Variants in PRDM16 observed in about 807,000 individuals in gnomAD.
PRDM16 encodes the protein histone-lysine N-methyltransferase PRDM16.
Under a neutral mutation model 110.6 loss-of-function variants are expected in PRDM16, and 23 were observed. The ratio of observed to expected loss-of-function variants is 0.21; its 90% CI spans 0.15 to 0.29. PRDM16 has a LOEUF of 0.29. Ranked by LOEUF, PRDM16 falls within the 10% of genes least tolerant of loss-of-function variation. PRDM16 has a pLI of 1.00. For synonymous variants in PRDM16, 799 were observed against 781.8 expected (o/e 1.02, Z -0.37); for missense variants, 1,615 against 1,794.3 (o/e 0.90, Z 1.81).
intron 1 of PRDM16, among the ~76,000 whole-genome samples, chr1:3,172,495 CG>C: frequency 6.6e-6 from 1 of 152,350 alleles, no homozygotes; most frequent in East Asian, 1.9e-4. Context: ...CATGTTCACA[CG>C]TGCTTCCCAC....
intron 2 of PRDM16, among the ~76,000 whole-genome samples, chr1:3,215,992 CT>C (rs1045953729): frequency 2.0e-5 from 3 of 152,170 alleles, no homozygotes; most frequent in African/African-American, 7.2e-5. Context: ...ATTTTTCCCC[CT>C]GAAACACTCG....
chr1:3,240,512 G>A (rs1403611043), intron 2 of PRDM16, among the ~76,000 whole-genome samples: 1 of 152,196 alleles, frequency 6.6e-6, no homozygotes, highest in Admixed American at 6.5e-5. Context: ...GGGTAAAGCG[G>A]AGTGTTGGGG....
intron 2 of PRDM16, among the ~76,000 whole-genome samples, chr1:3,193,985 A>G (rs529170938): frequency 6.6e-6 from 1 of 152,246 alleles, no homozygotes; most frequent in East Asian, 1.9e-4. Context: ...GTCCTGGCAC[A>G]CCCCTCTGGC....
chr1:3,202,009 G>A (rs975465492), intron 2 of PRDM16, among the ~76,000 whole-genome samples: 32 of 152,180 alleles, frequency 2.1e-4, no homozygotes, highest in African/African-American at 6.5e-4. Flanking sequence ...GGCAGGGGAC[G>A]CCCTCACAGT....
chr1:3,097,463 G>A (rs2100610668), intron 1 of PRDM16, among the ~76,000 whole-genome samples: 1 of 152,348 alleles, frequency 6.6e-6, no homozygotes. Context: ...CCCCGCAGGT[G>A]AATGGTGGTA....
At chr1:3,330,291 C>T (rs1001062037) in intron 3 of PRDM16, among the ~76,000 whole-genome samples, 13 of 152,206 alleles carry the variant, frequency 8.5e-5, no homozygotes, top group East Asian at 3.9e-4. Context: ...CAGGAGGCCC[C>T]GGACTCTTCA....
chr1:3,228,451 G>T (rs1485653978), intron 2 of PRDM16, among the ~76,000 whole-genome samples: 1 of 152,196 alleles, frequency 6.6e-6, no homozygotes, highest in Non-Finnish European at 1.5e-5. Flanking sequence ...AGCAGTTTTT[G>T]TGCGCCTCTC....
rs8179351 is a variant in PRDM16, at chr1:3,265,032, C to G, written c.438+20895C>G. On this transcript the variant is annotated intron_variant, in intron 3 of 16. Coordinates refer to ENST00000270722, the MANE Select transcript of PRDM16 (RefSeq NM_022114.4). The surrounding 1 kb of genome is among the most constrained non-coding windows in gnomAD (Gnocchi z 4.5). ...ATTTCTGAGCACAGAGAAACCTGAG[C>G]TGAGCCACTGAGTCCCCCAGCCTCT... 1.3e-5 allele frequency among the ~76,000 whole-genome samples: 2 copies of G among 151,720 alleles called. No individual in the cohort carries two copies. Among genetic ancestry groups the G allele is most frequent in the East Asian group, 4.0e-4 (2 of 5,052 alleles).
intron 2 of PRDM16, among the ~76,000 whole-genome samples, chr1:3,212,694 T>TCCCGCTCATCCTCCCCGCCCC: frequency 6.6e-6 from 1 of 151,172 alleles, no homozygotes; most frequent in South Asian, 2.1e-4. Context: ...GCTGCGGTCC[T>TCCCGCTCATCCTCCCCGCCCC]CTCTGCCACT....
intron 10 of PRDM16, among the ~76,000 whole-genome samples, chr1:3,415,871 A>G (rs116278666): frequency 1.2e-3 from 188 of 152,358 alleles, no homozygotes; most frequent in African/African-American, 4.4e-3. Context: ...GGCGCCAGTT[A>G]CTAAAGACCT....
intron 12 of PRDM16, among the ~76,000 whole-genome samples, chr1:3,421,842 G>C (rs1638438606): frequency 6.6e-6 from 1 of 152,264 alleles, no homozygotes; most frequent in Non-Finnish European, 1.5e-5. Context: ...AGCCGTGTTT[G>C]AGCACACATG....
At position 3,121,525 on chromosome 1, in the gene PRDM16, C is replaced by A. The variant is rs549129283; in HGVS notation, c.37+52229C>A. 1.3e-4 allele frequency among the ~76,000 whole-genome samples: 20 copies of A among 152,330 alleles called. No individual in the cohort carries two copies. In the South Asian group the frequency reaches 3.9e-3, roughly 30 times the overall value. On this transcript the variant is annotated intron_variant, in intron 1 of 16. Transcript: ENST00000270722. ...AAACCGTTTCTGTGGAGACTCCGAA[C>A]GTCGCCTGCCTCCTGCAAGGCCGCT...
rs557223586 is a variant in PRDM16 at position 3,434,765 on chromosome 1, C to T, written c.*954C>T. On this transcript the variant is annotated 3_prime_UTR_variant, in exon 17 of 17. Coordinates refer to ENST00000270722, the MANE Select transcript of PRDM16 (RefSeq NM_022114.4). ...TGGATCCGCCATGCAGAGATGTGGCCGGGCACCCATCTTCCTTCCCTCCTC... is the reference window on the plus strand; with the variant it reads ...TGGATCCGCCATGCAGAGATGTGGCTGGGCACCCATCTTCCTTCCCTCCTC... The T allele has an allele frequency of 3.4e-5, 8 of 232,326 alleles. No homozygotes were observed. The highest frequency in any genetic ancestry group is 3.4e-4 in the Admixed American group (6 of 17,748). 14.4% of individuals were successfully genotyped at this position (232,326 alleles called of 1,614,324 possible).
At chr1:3,128,481 A>G (rs1202608222) in intron 1 of PRDM16, among the ~76,000 whole-genome samples, 2 of 152,118 alleles carry the variant, frequency 1.3e-5, no homozygotes, top group Non-Finnish European at 2.9e-5. Flanking sequence ...CTCCCTCCGC[A>G]TGGCTCCGCA....
chr1:3,380,713 G>A lies in PRDM16; in HGVS notation c.439-4439G>A, dbSNP rs540597425. Reference sequence around the variant, plus strand: ...GCAGGGGAGGGTTAGTACTCAGGCCGCACGCAAATACCTGCAGGGCCATCA... The same window carrying A: ...GCAGGGGAGGGTTAGTACTCAGGCCACACGCAAATACCTGCAGGGCCATCA... On this transcript the variant is annotated intron_variant, in intron 3 of 16. Transcript: ENST00000270722. Among the ~76,000 whole-genome samples, 5 of 152,290 alleles carry A rather than the reference G, an allele frequency of 3.3e-5. No individual in the cohort carries two copies. The South Asian group carries it at 6.2e-4, about 19-fold the overall frequency.
intron 3 of PRDM16, among the ~76,000 whole-genome samples, chr1:3,348,876 A>G (rs1642418957): frequency 1.3e-5 from 2 of 152,190 alleles, no homozygotes; most frequent in Non-Finnish European, 2.9e-5. Context: ...AGCAAAAATG[A>G]GGGAGCGGCC....
Position 3,213,508 on chromosome 1 carries a change from G to T in PRDM16, c.387+27034G>T, listed in dbSNP as rs1638947380. Among the ~76,000 whole-genome samples, 1 of 152,192 alleles carries T rather than the reference G, an allele frequency of 6.6e-6. No individual in the cohort carries two copies. The highest frequency in any genetic ancestry group is 2.4e-5 in the African/African-American group (1 of 41,442). ...GCTGTGCGGGTGCCCCCCTGGGTTT[G>T]GTTGTGCCCGTGGGGGGTTGCTAGA... is the stretch of plus-strand genomic sequence containing the variant. On this transcript the variant is annotated intron_variant, in intron 2 of 16. Coordinates refer to ENST00000270722, the MANE Select transcript of PRDM16 (RefSeq NM_022114.4). This position sits in a 1 kb window ranked among gnomAD's most constrained non-coding sequence, Gnocchi z 5.3.
At chr1:3,351,119 T>A (rs1326815596) in intron 3 of PRDM16, among the ~76,000 whole-genome samples, 4 of 152,128 alleles carry the variant, frequency 2.6e-5, no homozygotes, top group Non-Finnish European at 5.9e-5. Context: ...TTTGGGGGCA[T>A]GTTCACCAGC....
rs973633161 is a variant in PRDM16 at position 3,142,354 on chromosome 1, G to C, written c.38-43771G>C. Reference sequence around the variant, plus strand: ...GAACACGGGGAGCCCTGTCCCGGGGGTGCGGTGGGGACCGGCCCTCCCTGG... The same window carrying C: ...GAACACGGGGAGCCCTGTCCCGGGGCTGCGGTGGGGACCGGCCCTCCCTGG... On this transcript the variant is annotated intron_variant, in intron 1 of 16. Transcript: ENST00000270722. Among the ~76,000 whole-genome samples, 9 of 152,388 alleles carry C rather than the reference G, an allele frequency of 5.9e-5. 1 individual carries two copies. Among genetic ancestry groups the C allele is most frequent in the Admixed American group, 1.3e-4 (2 of 15,314 alleles).
Sources: gnomAD v4.1 joint callset for allele counts (sites outside exome capture counted in the v4.1 genomes callset) on GRCh38, gnomAD v4.1.1 for gene constraint, Gnocchi (gnomAD v3.1) non-coding constraint, MANE v1.5 for transcripts, NCBI Gene and HGNC (gene_info 2026-07-23, HGNC 2026-07-21) for gene names.